Variants in TRMT11 observed in about 807,000 individuals in gnomAD.
The protein encoded by TRMT11 is tRNA methyltransferase 11, also known as tRNA (guanine(10)-N(2))-methyltransferase TRMT11.
TRMT11 carries 53 observed loss-of-function variants against 62.8 expected under a neutral mutation model. That is an observed-to-expected ratio of 0.84 (90% CI 0.68 to 1.06). The LOEUF is 1.06. Ranked by LOEUF, TRMT11 falls within the 50% of genes least tolerant of loss-of-function variation. The probability of loss-of-function intolerance (pLI) is 0.00; values close to 1 mark genes in which losing one functional copy is unlikely to be tolerated. For missense variants in TRMT11, 556 were observed against 553.4 expected (o/e 1.00, Z -0.05); for synonymous variants, 188 against 190.3 (o/e 0.99, Z 0.10).
rs1245507585 is a variant in TRMT11, at chr6:126,012,238, TC to T, written c.926-532del. On this transcript the variant is annotated intron_variant, in intron 9 of 12. Transcript: ENST00000334379. ...TTTGCTTTATTATTTGCTCTCCCAC[TC>T]TGTGTTTACTTATATAAAATACATT... Among the ~76,000 whole-genome samples the T allele has an allele frequency of 1.6e-4, 24 of 152,322 alleles. No homozygotes were observed. The East Asian group carries it at 4.4e-3, about 28-fold the overall frequency.
intron 10 of TRMT11, 54 bp from the exon 11 acceptor site, chr6:126,012,916 C>T: frequency 3.1e-6 from 5 of 1,609,210 alleles, no homozygotes; most frequent in Non-Finnish European, 4.2e-6. Context: ...TCCCCGTTAA[C>T]TTAGCACTCT....
chr6:126,103,148 A>G (rs1454896484), intron 17 of TRMT11, among the ~76,000 whole-genome samples: 1 of 152,202 alleles, frequency 6.6e-6, no homozygotes, highest in East Asian at 1.9e-4. Context: ...CTCTTCCCAC[A>G]GCATACTTGG....
chr6:126,193,693 C>T (rs1778632102), intron 1 of TRMT11, among the ~76,000 whole-genome samples: 1 of 151,660 alleles, frequency 6.6e-6, no homozygotes, highest in African/African-American at 2.4e-5. Context: ...CGGGGTTTCA[C>T]CATTCTAGCC....
chr6:125,989,912 A>G (rs1291181985), intron 1 of TRMT11, among the ~76,000 whole-genome samples: 1 of 151,950 alleles, frequency 6.6e-6, no homozygotes, highest in Non-Finnish European at 1.5e-5. Context: ...TGCTCCCTTT[A>G]GTCTGGTTTG....
At chr6:126,242,274 T>G in the TRMT11 span, among the ~76,000 whole-genome samples, 6 of 152,022 alleles carry the variant, frequency 3.9e-5, no homozygotes, top group Non-Finnish European at 5.9e-5. Flanking sequence ...ACTGCTCAAC[T>G]AAATAAAAGA....
At chr6:125,994,902 C>A (rs1008829846) in intron 2 of TRMT11, among the ~76,000 whole-genome samples, 2 of 152,216 alleles carry the variant, frequency 1.3e-5, no homozygotes, top group Non-Finnish European at 2.9e-5. Flanking sequence ...ACCACGTGTT[C>A]TCACTTATAA....
intron 1 of TRMT11, among the ~76,000 whole-genome samples, chr6:126,177,945 T>C (rs1489655561): frequency 1.3e-5 from 2 of 152,162 alleles, no homozygotes; most frequent in Non-Finnish European, 2.9e-5. Flanking sequence ...CTCCCACAAC[T>C]GGTTGTTCCC....
chr6:126,207,120 G>A (rs1260221328), downstream of TRMT11, among the ~76,000 whole-genome samples: 2 of 152,020 alleles, frequency 1.3e-5, no homozygotes, highest in Non-Finnish European at 2.9e-5. Flanking sequence ...ATTCTGGTAG[G>A]GCTTTGTTTT....
chr6:126,154,341 G>GTA (rs1344738208), intron 21 of TRMT11, among the ~76,000 whole-genome samples: 2 of 125,352 alleles, frequency 1.6e-5, no homozygotes, highest in African/African-American at 9.1e-5. Context: ...GTGTGTGTAT[G>GTA]TGTGTGTGTG....
intron 1 of TRMT11, among the ~76,000 whole-genome samples, chr6:126,181,449 C>T (rs1778465913): frequency 6.6e-6 from 1 of 152,132 alleles, no homozygotes; most frequent in East Asian, 1.9e-4. Flanking sequence ...TTGATTTCTT[C>T]CAGTGATAGA....
At chr6:126,219,784 T>G in the TRMT11 span, among the ~76,000 whole-genome samples, 3 of 152,368 alleles carry the variant, frequency 2.0e-5, no homozygotes, top group East Asian at 5.8e-4. Context: ...CACCAAGTAT[T>G]TGCTAAATAA....
the TRMT11 span, among the ~76,000 whole-genome samples, chr6:126,251,437 A>G: frequency 6.6e-6 from 1 of 152,158 alleles, no homozygotes; most frequent in African/African-American, 2.4e-5. Flanking sequence ...GCTAATTAAT[A>G]TACTCCTTAT....
rs188099086 is a variant in TRMT11 at position 126,046,423 on chromosome 6, A to G, written c.*1369+5578A>G. On this transcript the variant is annotated intron_variant and NMD_transcript_variant, in intron 16 of 22. Transcript: ENST00000648977. ...TTTATTTGAGCTCCAAGCAGCTGCT[A>G]TACTAAATACTAAAAGTAGATGTAA... is the stretch of plus-strand genomic sequence containing the variant. Among the ~76,000 whole-genome samples the G allele has an allele frequency of 4.1e-4, 62 of 152,322 alleles. No individual in the cohort carries two copies. In the East Asian group the frequency reaches 0.011, roughly 26 times the overall value.
intron 17 of TRMT11, among the ~76,000 whole-genome samples, chr6:126,090,951 C>T (rs1777268178): frequency 6.6e-6 from 1 of 152,184 alleles, no homozygotes; most frequent in African/African-American, 2.4e-5. Context: ...TAGCTCACAC[C>T]TGTAATCCCA....
downstream of TRMT11, among the ~76,000 whole-genome samples, chr6:126,043,768 T>C (rs1225369249): frequency 3.3e-5 from 5 of 150,284 alleles, no homozygotes; most frequent in Non-Finnish European, 7.5e-5. Context: ...AGATGGTATC[T>C]CATTGTGGTT....
the TRMT11 span, among the ~76,000 whole-genome samples, chr6:126,258,625 A>T: frequency 6.6e-6 from 1 of 152,210 alleles, no homozygotes; most frequent in Non-Finnish European, 1.5e-5. Context: ...TAATCCAGGA[A>T]CTTATCCATT....
chr6:126,197,806 C>T (rs1778684123), intron 1 of TRMT11, among the ~76,000 whole-genome samples: 1 of 152,132 alleles, frequency 6.6e-6, no homozygotes, highest in African/African-American at 2.4e-5. Context: ...CACTTTTGTG[C>T]AGCTAAAGCT....
intron 21 of TRMT11, among the ~76,000 whole-genome samples, chr6:126,129,311 A>G (rs766206739): frequency 2.2e-4 from 33 of 152,132 alleles, no homozygotes; most frequent in African/African-American, 1.2e-4. Flanking sequence ...TAGTGTTGTG[A>G]TTAGGATTAA....
intron 17 of TRMT11, among the ~76,000 whole-genome samples, chr6:126,057,338 C>G (rs1305600196): frequency 6.6e-6 from 1 of 152,192 alleles, no homozygotes; most frequent in Non-Finnish European, 1.5e-5. Context: ...TTTGAAGCTA[C>G]TTATCTCTGT....
Sources: allele counts gnomAD v4.1 joint callset (sites outside exome capture counted in the v4.1 genomes callset), GRCh38; gene constraint gnomAD v4.1.1; transcripts MANE v1.5; gene names NCBI Gene and HGNC (gene_info 2026-07-23, HGNC 2026-07-21).